EBI3: variants seen among roughly 807,000 people sequenced by gnomAD.
EBI3 encodes the protein interleukin-27 subunit beta.
In EBI3, 19 loss-of-function variants were observed where a neutral mutation model predicts 21.3. That is an observed-to-expected ratio of 0.89 (90% CI 0.62 to 1.31). The LOEUF is 1.31. Among genes scored for constraint, EBI3 ranks in the 50% most tolerant of loss-of-function variants. The probability of loss-of-function intolerance (pLI) is 0.00; values close to 1 mark genes in which losing one functional copy is unlikely to be tolerated. For missense variants in EBI3, 331 were observed against 314.0 expected, an observed-to-expected ratio of 1.05 and a Z score of -0.41; for synonymous variants, 154 against 131.2, an observed-to-expected ratio of 1.17 and a Z score of -1.19.
chr19:4,237,272 G>A lies in EBI3; in HGVS notation c.*184G>A. On this transcript the variant is annotated 3_prime_UTR_variant, in exon 5 of 5. Coordinates refer to ENST00000221847, the MANE Select transcript of EBI3 (RefSeq NM_005755.3). ...TTTGAGCCTCAGTTTCTCTAGCTGA[G>A]AAATGGAGATGTACTACTCTCTCCT... The A allele has an allele frequency of 9.9e-6, 6 of 603,934 alleles. No homozygotes were observed. Among genetic ancestry groups the A allele is most frequent in the Non-Finnish European group, 1.6e-5 (6 of 381,376 alleles). 37.4% of individuals were successfully genotyped at this position (603,934 alleles called of 1,614,324 possible).
chr19:4,232,654 T>A (rs1410679705), intron 2 of EBI3, among the ~76,000 whole-genome samples: 1 of 150,666 alleles, frequency 6.6e-6, no homozygotes, highest in Non-Finnish European at 1.5e-5. Context: ...GAGCCAGGAG[T>A]TCAAGGCTAT....
intron 1 of EBI3, 142 bp downstream of exon 1, chr19:4,229,759 G>T: frequency 4.7e-6 from 4 of 855,220 alleles, no homozygotes; most frequent in Non-Finnish European, 7.0e-6. Context: ...TGTACAGATG[G>T]AGGAACTGAG....
In EBI3 at chr19:4,236,981, C is replaced by G; in HGVS notation, c.583C>G (p.Pro195Ala). ...ATSFILRAVRPRARYYVQVAA... is the reference protein window; with the variant it reads ...ATSFILRAVRARARYYVQVAA... ...GTCCTTCATCCTCAGGGCTGTGCGG[C>G]CCCGAGCCAGGTACTACGTCCAAGT... The change falls in exon 5 of 5, where the codon CCC becomes GCC. Residue 195 changes from proline to alanine, a missense_variant. Transcript: ENST00000221847. The G allele has an allele frequency of 6.4e-7, 1 of 1,568,734 alleles. No individual in the cohort carries two copies. The highest frequency in any genetic ancestry group is 1.7e-4 in the Middle Eastern group (1 of 5,876).
At chr19:4,230,224 G>A (rs1003603052) in intron 1 of EBI3, among the ~76,000 whole-genome samples, 16 of 152,044 alleles carry the variant, frequency 1.1e-4, no homozygotes, top group Non-Finnish European at 2.1e-4. Context: ...GCGCCCGGCC[G>A]ACATTCATTC....
rs770059334 is a variant in EBI3 at position 4,229,596 on chromosome 19, C to A, written c.46C>A (p.Pro16Thr). ...GGCCCTTGTCCTCTGGGCCAGCTGC[C>A]CGCCCTGCAGTGGAAGGAAAGGTAT... ...LLALVLWASCPPCSGRKGPPA... is the reference protein window; with the variant it reads ...LLALVLWASCTPCSGRKGPPA... The change falls in exon 1 of 5, where the codon CCG becomes ACG. Residue 16 changes from proline to threonine, a missense_variant. Pro to Thr is a conservative substitution (Grantham distance 38). Transcript: ENST00000221847. The A allele has an allele frequency of 6.2e-7, 1 of 1,609,930 alleles. No homozygotes were observed. The highest frequency in any genetic ancestry group is 1.1e-5 in the South Asian group (1 of 90,100).
Position 4,231,301 on chromosome 19 carries a change from G to T in EBI3, c.178G>T (p.Val60Leu), listed in dbSNP as rs199838595. The T allele has an allele frequency of 6.2e-7, 1 of 1,611,736 alleles. No homozygotes were observed. The highest frequency in any genetic ancestry group is 8.5e-7 in the Non-Finnish European group (1 of 1,179,294). ...GCCTGCTCCAAACTCCACCAGCCCC[G>T]TGTCCTTCATTGCCACGTACAGGTC... ...LPPAPNSTSP[V>L]SFIATYRLGM... The change falls in exon 2 of 5, where the codon GTG becomes TTG. Residue 60 changes from valine (V) to leucine (L), a missense_variant. Physicochemically the swap from Val to Leu is conservative, Grantham distance 32. Transcript: ENST00000221847.
chr19:4,235,525 C>T (rs1970830113), intron 4 of EBI3, among the ~76,000 whole-genome samples: 1 of 152,194 alleles, frequency 6.6e-6, no homozygotes. Flanking sequence ...CCATGTTGCC[C>T]AGGCTGGTCT....
rs763187652 is a variant in EBI3, at chr19:4,236,979, G to T, written c.581G>T (p.Arg194Leu). The T allele has an allele frequency of 6.4e-7, 1 of 1,561,932 alleles. No homozygotes were observed. Among genetic ancestry groups the T allele is most frequent in the Non-Finnish European group, 8.7e-7 (1 of 1,149,706 alleles). The change falls in exon 5 of 5, where the codon CGG becomes CTG. Residue 194 changes from arginine (R) to leucine (L), a missense_variant. Transcript: ENST00000221847. ...EATSFILRAV[R>L]PRARYYVQVA... ...ACGTCCTTCATCCTCAGGGCTGTGC[G>T]GCCCCGAGCCAGGTACTACGTCCAA...
intron 4 of EBI3, among the ~76,000 whole-genome samples, chr19:4,235,181 G>C (rs1343382493): frequency 6.6e-6 from 1 of 151,692 alleles, no homozygotes; most frequent in Non-Finnish European, 1.5e-5. Flanking sequence ...ACTATGCCCG[G>C]CTAATTTTTG....
intron 2 of EBI3, among the ~76,000 whole-genome samples, chr19:4,232,542 AC>A (rs60957392): frequency 0.13 from 18,849 of 147,156 alleles, 1,872 homozygotes; most frequent in South Asian, 0.31. Flanking sequence ...ACATACTGAG[AC>A]CCCCCCCCAT....
chr19:4,234,671 G>GT lies in EBI3; in HGVS notation c.384_385insT (p.Pro129SerfsTer14). 1 of 1,612,766 alleles carries GT rather than the reference G, an allele frequency of 6.2e-7. No individual in the cohort carries two copies. Among genetic ancestry groups the GT allele is most frequent in the East Asian group, 2.2e-5 (1 of 44,848 alleles). ...TGCTTCCTGCTTGTCCGTCAGTCAAGCCCGACCCTCCAGAAGGCGTGCGCC... is the reference window on the plus strand; with the variant it reads ...TGCTTCCTGCTTGTCCGTCAGTCAAGTCCCGACCCTCCAGAAGGCGTGCGCC... On this transcript the variant is annotated frameshift_variant, in exon 4 of 5. Transcript: ENST00000221847. LOFTEE classifies it high-confidence loss of function.
chr19:4,233,168 G>T lies in EBI3; in HGVS notation c.240G>T (p.Leu80=). Residue 80 remains leucine, a synonymous_variant, in exon 3 of 5, where the codon CTG becomes CTT. Coordinates refer to ENST00000221847, the MANE Select transcript of EBI3 (RefSeq NM_005755.3). ...CCCGGGGCCACAGCTGGCCCTGCCT[G>T]CAGCAGACGCCAACGTCCACCAGCT... ...MAARGHSWPC[L]QQTPTSTSCT... is the part of the protein sequence containing the mutation. The T allele has an allele frequency of 1.9e-6, 3 of 1,606,888 alleles. No homozygotes were observed. The highest frequency in any genetic ancestry group is 1.1e-5 in the South Asian group (1 of 90,834).
chr19:4,231,835 C>CT (rs989165285), intron 2 of EBI3, among the ~76,000 whole-genome samples: 7 of 151,034 alleles, frequency 4.6e-5, no homozygotes, highest in Non-Finnish European at 8.8e-5. Flanking sequence ...AATCCCAGTA[C>CT]TTTGGGAGGC....
intron 4 of EBI3, 82 bp downstream of exon 4, chr19:4,234,906 G>C: frequency 6.4e-7 from 1 of 1,556,484 alleles, no homozygotes; most frequent in Non-Finnish European, 8.7e-7. Flanking sequence ...GGTGTGCTGG[G>C]CTCTTGCACA....
chr19:4,233,341 G>A (rs1370825669), intron 3 of EBI3, 34 bp downstream of exon 3: 3 of 1,526,804 alleles, frequency 2.0e-6, no homozygotes, highest in Non-Finnish European at 2.6e-6. Flanking sequence ...CGGGGGCGGG[G>A]CTGCCGTCTC....
In EBI3 at chr19:4,234,812, G is replaced by T. The variant is rs150368083; in HGVS notation, c.525G>T (p.Ala175=). ...TCCGTTACAAGCGTCAGGGAGCTGC[G>T]CGCTTCCACCGGGTGAGGAGGATGA... The part of the protein sequence containing the change: ...YWIRYKRQGA[A]RFHRVGPIEA... The change falls in exon 4 of 5, where the codon GCG becomes GCT. Residue 175 remains alanine (A), a synonymous_variant. Coordinates refer to ENST00000221847, the MANE Select transcript of EBI3 (RefSeq NM_005755.3). The T allele has an allele frequency of 6.2e-7, 1 of 1,613,904 alleles. No homozygotes were observed. The highest frequency in any genetic ancestry group is 1.7e-5 in the Admixed American group (1 of 60,000).
Position 4,234,680 on chromosome 19 carries a change from T to C in EBI3, c.393T>C (p.Pro131=), listed in dbSNP as rs1970820154. 6.2e-7 allele frequency: 1 copy of C among 1,613,834 alleles called. No homozygotes were observed. The highest frequency in any genetic ancestry group is 8.5e-7 in the Non-Finnish European group (1 of 1,179,862). ...CTTGTCCGTCAGTCAAGCCCGACCC[T>C]CCAGAAGGCGTGCGCCTAAGCCCCC... ...FITEHIIKPD[P]PEGVRLSPLA... is the part of the protein sequence containing the mutation. The change falls in exon 4 of 5, where the codon CCT becomes CCC. Residue 131 remains proline (P), a synonymous_variant. Transcript: ENST00000221847.
At chr19:4,233,436 C>A in intron 3 of EBI3, 129 bp downstream of exon 3, 2 of 1,058,866 alleles carry the variant, frequency 1.9e-6, no homozygotes, top group Non-Finnish European at 2.7e-6. Flanking sequence ...CTGACCCCTT[C>A]TTCCCCCTCC....
intron 4 of EBI3, among the ~76,000 whole-genome samples, chr19:4,235,281 A>G (rs1267259897): frequency 6.8e-6 from 1 of 147,336 alleles, no homozygotes; most frequent in Non-Finnish European, 1.5e-5. Context: ...GGACTCCCAA[A>G]GTGCTGGGAT....
Sources: allele counts gnomAD v4.1 joint callset (sites outside exome capture counted in the v4.1 genomes callset), GRCh38; gene constraint gnomAD v4.1.1; transcripts MANE v1.5; gene names NCBI Gene and HGNC (gene_info 2026-07-23, HGNC 2026-07-21).